The following ZNF831 variants were observed in gnomAD, a reference collection of about 807,000 sequenced individuals.
ZNF831 encodes the protein chromosome 20 open reading frame 174.
ZNF831 carries 59 observed loss-of-function variants against 95.8 expected under a neutral mutation model. The ratio of observed to expected loss-of-function variants is 0.62; its 90% CI spans 0.50 to 0.77. ZNF831 has a LOEUF of 0.77. Ranked by LOEUF, ZNF831 falls within the 30% of genes least tolerant of loss-of-function variation. The probability of loss-of-function intolerance (pLI) is 0.00; values close to 1 mark genes in which losing one functional copy is unlikely to be tolerated. For synonymous variants in ZNF831, 961 were observed against 925.5 expected (o/e 1.04, Z -0.70); for missense variants, 2,205 against 2,164.0 (o/e 1.02, Z -0.38).
Position 59,164,207 on chromosome 20 carries a change from G to C in ZNF831, c.-37G>C, listed in dbSNP as rs1438899644. Reference sequence around the variant, plus strand: ...CTGAAAACACTCCACTGTTTATAAAGGTATGTAACATGCTCCATGACATAA... The same window carrying C: ...CTGAAAACACTCCACTGTTTATAAACGTATGTAACATGCTCCATGACATAA... On this transcript the variant is annotated splice_region_variant and 5_prime_UTR_variant, in exon 1 of 6. Transcript: ENST00000371030. Among the ~76,000 whole-genome samples, 2 of 151,940 alleles carry C rather than the reference G, an allele frequency of 1.3e-5. No homozygotes were observed. Among genetic ancestry groups the C allele is most frequent in the Non-Finnish European group, 1.5e-5 (1 of 67,998 alleles).
At chr20:59,238,656 A>T (rs1266206876) in intron 4 of ZNF831, among the ~76,000 whole-genome samples, 1 of 152,228 alleles carries the variant, frequency 6.6e-6, no homozygotes, top group Non-Finnish European at 1.5e-5. Context: ...CGTGAGGGAG[A>T]CAGCATCAAA....
At position 59,257,855 on chromosome 20, in the gene ZNF831, A is replaced by C. The variant is rs1345277700; in HGVS notation, c.*3112A>C. The C allele has an allele frequency of 1.3e-5, 2 of 152,172 alleles. No homozygotes were observed. The highest frequency in any genetic ancestry group is 4.8e-5 in the African/African-American group (2 of 41,444). 9.4% of individuals were successfully genotyped at this position (152,172 alleles called of 1,614,324 possible). ...TGAATTTTTTTTTGCCAATATCAAA[A>C]GTGACATTTCCCCATGATGTTCAAG... is the stretch of plus-strand genomic sequence containing the variant. On this transcript the variant is annotated 3_prime_UTR_variant, in exon 6 of 6. Transcript: ENST00000371030.
intron 4 of ZNF831, among the ~76,000 whole-genome samples, chr20:59,233,043 C>CACACAG (rs1308472101): frequency 3.1e-4 from 42 of 134,372 alleles, no homozygotes; most frequent in African/African-American, 1.1e-3. Flanking sequence ...CACACACACA[C>CACACAG]ATAGAGAGAG....
chr20:59,128,504 T>G (rs1469132335), intron 1 of ZNF831, among the ~76,000 whole-genome samples: 1 of 152,158 alleles, frequency 6.6e-6, no homozygotes, highest in African/African-American at 2.4e-5. Flanking sequence ...AGTGCCCAGA[T>G]GGAGGATGGT....
chr20:59,216,792 T>A (rs546831332), intron 4 of ZNF831, among the ~76,000 whole-genome samples: 2 of 152,012 alleles, frequency 1.3e-5, no homozygotes, highest in Admixed American at 1.3e-4. Context: ...GGGCCTGAAA[T>A]TTTTTTCCTG....
rs1466401814 is a variant in ZNF831 at position 59,191,745 on chromosome 20, G to C, written c.726G>C (p.Ser242=). The C allele has an allele frequency of 7.5e-6, 12 of 1,602,986 alleles. No homozygotes were observed. In the East Asian group the frequency reaches 2.0e-4, roughly 27 times the overall value. ...SRCQGMHEGA[S]ERPLSPGAHV... ...GCCAGGGGATGCACGAAGGCGCCTCGGAGAGACCCCTTTCTCCGGGTGCCC... is the reference window on the plus strand; with the variant it reads ...GCCAGGGGATGCACGAAGGCGCCTCCGAGAGACCCCTTTCTCCGGGTGCCC... The change falls in exon 2 of 6, where the codon TCG becomes TCC. Residue 242 remains serine (S), a synonymous_variant. Transcript: ENST00000371030.
chr20:59,191,201 C>T lies in ZNF831; in HGVS notation c.182C>T (p.Pro61Leu), dbSNP rs2146544082. ...GTGTTCCTGAAGGCCCTGCCCATCC[C>T]ACTGTACCACACGGTGCCTCCCGGG... ...PTVFLKALPIPLYHTVPPGGL... is the reference protein window; with the variant it reads ...PTVFLKALPILLYHTVPPGGL... The change falls in exon 2 of 6, where the codon CCA becomes CTA. Residue 61 changes from proline (P) to leucine (L), a missense_variant. Transcript: ENST00000371030. 7 of 1,572,510 alleles carry T rather than the reference C, an allele frequency of 4.5e-6. No homozygotes were observed. Among genetic ancestry groups the T allele is most frequent in the Non-Finnish European group, 6.0e-6 (7 of 1,162,100 alleles).
At chr20:59,128,029 C>T (rs941464167) in intron 1 of ZNF831, among the ~76,000 whole-genome samples, 1 of 152,162 alleles carries the variant, frequency 6.6e-6, no homozygotes, top group African/African-American at 2.4e-5. Flanking sequence ...CAGTGTGAGG[C>T]GTTTGCAACC....
In ZNF831 at chr20:59,206,417, G is replaced by A. The variant is rs139824277; in HGVS notation, c.3876-488G>A. Among the ~76,000 whole-genome samples, 293 of 152,346 alleles carry A rather than the reference G, an allele frequency of 1.9e-3. 1 individual carries two copies. Among genetic ancestry groups the A allele is most frequent in the African/African-American group, 5.5e-3 (228 of 41,570 alleles). On this transcript the variant is annotated intron_variant, in intron 3 of 5. Transcript: ENST00000371030. ...CCAGTACAGTGGTCACTAGCCACACGTGGCTATTTAAATTCATTAAAGTGA... is the reference window on the plus strand; with the variant it reads ...CCAGTACAGTGGTCACTAGCCACACATGGCTATTTAAATTCATTAAAGTGA...
intron 4 of ZNF831, among the ~76,000 whole-genome samples, chr20:59,239,944 C>T (rs1307070681): frequency 6.6e-6 from 1 of 152,216 alleles, no homozygotes; most frequent in Non-Finnish European, 1.5e-5. Context: ...CAAGAAAATA[C>T]CCAGGTAGAC....
rs767596721 is a variant in ZNF831 at position 59,192,165 on chromosome 20, G to C, written c.1146G>C (p.Gly382=). 6.4e-7 allele frequency: 1 copy of C among 1,561,910 alleles called. No individual in the cohort carries two copies. Among genetic ancestry groups the C allele is most frequent in the Admixed American group, 1.9e-5 (1 of 51,802 alleles). ...AGGGGGAGGGCGGCCCGGGCCCGGG[G>C]CCAGGGGTCGCAGGGGCCGAGCCCG... ...ESEGEGGPGP[G]PGVAGAEPGA... The change falls in exon 2 of 6, where the codon GGG becomes GGC. Residue 382 remains glycine, a synonymous_variant. Transcript: ENST00000371030. This position sits in a 1 kb window ranked among gnomAD's most constrained non-coding sequence, Gnocchi z 5.2.
chr20:59,220,105 G>A (rs937023347), intron 4 of ZNF831, among the ~76,000 whole-genome samples: 34 of 152,164 alleles, frequency 2.2e-4, no homozygotes, highest in African/African-American at 8.2e-4. Flanking sequence ...TCTGAAAACC[G>A]TTCTCATATT....
intron 3 of ZNF831, among the ~76,000 whole-genome samples, chr20:59,196,687 C>G (rs557481165): frequency 1.6e-4 from 24 of 152,342 alleles, no homozygotes; most frequent in African/African-American, 5.5e-4. Flanking sequence ...TCATCCCATT[C>G]TCTAATCCAC....
At chr20:59,252,945 C>T in intron 4 of ZNF831, 33 bp from the exon 5 acceptor site, 3 of 1,600,404 alleles carry the variant, frequency 1.9e-6, no homozygotes, top group Non-Finnish European at 2.6e-6. Flanking sequence ...TTTATAATTC[C>T]AGTCATATGT....
Position 59,191,844 on chromosome 20 carries a change from C to T in ZNF831, c.825C>T (p.Asp275=), listed in dbSNP as rs574131287. ...CCTGTCCAGGGTCCGCATTTGCCGA[C>T]AGAGAGGCTCCTTGGGACTCTGCCC... ...AAPCPGSAFA[D]REAPWDSAPM... Residue 275 remains aspartate (D), a synonymous_variant, in exon 2 of 6, where the codon GAC becomes GAT. Transcript: ENST00000371030. 40 of 1,613,452 alleles carry T rather than the reference C, an allele frequency of 2.5e-5. No individual in the cohort carries two copies. Among genetic ancestry groups the T allele is most frequent in the Admixed American group, 3.3e-5 (2 of 60,032 alleles).
chr20:59,176,992 C>T (rs985822588), intron 1 of ZNF831, among the ~76,000 whole-genome samples: 1 of 137,312 alleles, frequency 7.3e-6, no homozygotes, highest in African/African-American at 2.9e-5. Context: ...CAGCCAGGCC[C>T]ATACTGGAAA....
At chr20:59,252,840 G>C in intron 4 of ZNF831, 138 bp from the exon 5 acceptor site, 2 of 792,890 alleles carry the variant, frequency 2.5e-6, no homozygotes, top group Middle Eastern at 3.5e-4. Flanking sequence ...GAGATAAATT[G>C]AGTTCTTGCA....
intron 1 of ZNF831, among the ~76,000 whole-genome samples, chr20:59,185,415 C>T (rs546810465): frequency 6.6e-6 from 1 of 152,128 alleles, no homozygotes; most frequent in Non-Finnish European, 1.5e-5. Flanking sequence ...AAGCCCCAAG[C>T]CTCCCACCCT....
Position 59,191,628 on chromosome 20 carries a change from C to T in ZNF831, c.609C>T (p.Ser203=), listed in dbSNP as rs749345982. The change falls in exon 2 of 6, where the codon TCC becomes TCT. Residue 203 remains serine, a synonymous_variant. Transcript: ENST00000371030. ...TQTHLNNSRL[S]SESEGAGGGL... is the part of the protein sequence containing the mutation. ...CGCACCTCAACAACTCCCGGCTGTC[C>T]TCAGAGTCCGAGGGCGCCGGGGGCG... 1.0e-4 allele frequency: 164 copies of T among 1,581,272 alleles called. No homozygotes were observed. In the Admixed American group the frequency reaches 2.7e-3, roughly 26 times the overall value.
Sources: allele counts gnomAD v4.1 joint callset (sites outside exome capture counted in the v4.1 genomes callset), GRCh38; gene constraint gnomAD v4.1.1; non-coding constraint Gnocchi (gnomAD v3.1); transcripts MANE v1.5; gene names NCBI Gene and HGNC (gene_info 2026-07-23, HGNC 2026-07-21).